The following ZNF267 variants were observed in gnomAD, a reference collection of about 807,000 sequenced individuals.
The protein encoded by ZNF267 is zinc finger protein 267, also known as zinc finger (C2H2).
Under a neutral mutation model 71.6 loss-of-function variants are expected in ZNF267, and 61 were observed. The observed-to-expected ratio is 0.85, with a 90% CI of 0.69 to 1.05. The LOEUF (loss-of-function observed/expected upper bound fraction) is 1.05. ZNF267 is among the 50% of genes least tolerant of loss of function. The pLI, the probability that ZNF267 is intolerant of heterozygous loss-of-function variation, is 0.00. For synonymous variants in ZNF267, 288 were observed against 293.2 expected (o/e 0.98, Z 0.18); for missense variants, 852 against 870.0 (o/e 0.98, Z 0.26).
intron 3 of ZNF267, among the ~76,000 whole-genome samples, chr16:31,896,898 A>G (rs932166487): frequency 5.3e-5 from 8 of 152,126 alleles, no homozygotes; most frequent in Non-Finnish European, 8.8e-5. Flanking sequence ...TTTTCAATCT[A>G]TGAACACAAG....
chr16:31,915,957 C>G lies in ZNF267; in HGVS notation c.1708C>G (p.His570Asp), dbSNP rs771790142. 2.7e-5 allele frequency: 44 copies of G among 1,612,628 alleles called. No homozygotes were observed. The Admixed American group carries it at 7.2e-4, about 26-fold the overall frequency. Residue 570 changes from histidine to aspartate, a missense_variant, in exon 4 of 4, where the codon CAT becomes GAT. Coordinates refer to ENST00000300870, the MANE Select transcript of ZNF267 (RefSeq NM_003414.6). Reference sequence around the variant, plus strand: ...ACACCTTATTCGACATCATCGAATTCATACTGGAGAAAAACCATACAAATG... The same window carrying G: ...ACACCTTATTCGACATCATCGAATTGATACTGGAGAAAAACCATACAAATG... Reference protein sequence around the residue: ...SSHLIRHHRIHTGEKPYKCKA... With the variant: ...SSHLIRHHRIDTGEKPYKCKA...
intron 3 of ZNF267, among the ~76,000 whole-genome samples, chr16:31,895,904 T>C (rs2083994750): frequency 6.6e-6 from 1 of 152,236 alleles, no homozygotes; most frequent in Non-Finnish European, 1.5e-5. Flanking sequence ...TGCAAATATT[T>C]TCTCACATTG....
intron 3 of ZNF267, among the ~76,000 whole-genome samples, chr16:31,903,888 A>G (rs1441372368): frequency 2.0e-5 from 3 of 152,054 alleles, no homozygotes; most frequent in African/African-American, 7.2e-5. Context: ...TAGGGTGTCA[A>G]TTTTAGATCT....
intron 1 of ZNF267, among the ~76,000 whole-genome samples, chr16:31,876,675 T>C (rs921626507): frequency 1.3e-5 from 2 of 152,290 alleles, no homozygotes; most frequent in Admixed American, 1.3e-4. Context: ...GTATAAATTA[T>C]AAAGGCGTTT....
rs763905687 is a variant in ZNF267 at position 31,915,370 on chromosome 16, A to G, written c.1121A>G (p.Asp374Gly). 6.8e-5 allele frequency: 109 copies of G among 1,613,398 alleles called. No homozygotes were observed. The highest frequency in any genetic ancestry group is 8.7e-5 in the Non-Finnish European group (103 of 1,179,820). The part of the protein sequence containing the change: ...SLYLTKQQQI[D>G]TGENLYKCKA... ...TACCTTACTAAACAGCAGCAAATTG[A>G]TACTGGAGAAAACCTTTACAAATGT... Residue 374 changes from aspartate (D) to glycine (G), a missense_variant, in exon 4 of 4, where the codon GAT (aspartate) becomes GGT (glycine). Asp to Gly is a moderately conservative substitution (Grantham distance 94, BLOSUM62 -1). Transcript: ENST00000300870.
At chr16:31,886,183 G>T (rs1462744900) in intron 3 of ZNF267, among the ~76,000 whole-genome samples, 1 of 152,068 alleles carries the variant, frequency 6.6e-6, no homozygotes, top group African/African-American at 2.4e-5. Context: ...TACACATTGT[G>T]TAATGACTAA....
rs1405117871 is a variant in ZNF267 at position 31,915,474 on chromosome 16, A to C, written c.1225A>C (p.Lys409Gln). The C allele has an allele frequency of 1.9e-6, 3 of 1,613,740 alleles. No individual in the cohort carries two copies. The African/African-American group carries it at 4.0e-5, about 22-fold the overall frequency. Residue 409 changes from lysine to glutamine, a missense_variant, in exon 4 of 4, where the codon AAA becomes CAA. Lys to Gln is a moderately conservative substitution (Grantham distance 53). Transcript: ENST00000300870. ...AATTCACACTGGAGAGAAACCATAC[A>C]AATGTAAAGAATGTGGCAAAGCCTT... is the stretch of plus-strand genomic sequence containing the variant. ...QRIHTGEKPYKCKECGKAFRC... is the reference protein window; with the variant it reads ...QRIHTGEKPYQCKECGKAFRC...
At position 31,916,686 on chromosome 16, in the gene ZNF267, C is replaced by G. The variant is rs954544560; in HGVS notation, c.*205C>G. On this transcript the variant is annotated 3_prime_UTR_variant, in exon 4 of 4. Transcript: ENST00000300870. ...GTGGCAAATTATTTTAAACTGTGCT[C>G]AACCCTTACTCAAGATAATCCATAC... 22 of 590,550 alleles carry G rather than the reference C, an allele frequency of 3.7e-5. No homozygotes were observed. The highest frequency in any genetic ancestry group is 3.5e-4 in the African/African-American group (19 of 53,782). The allele number at this position is 590,550 out of a possible 1,614,324, so 36.6% of individuals were successfully genotyped here.
Position 31,873,833 on chromosome 16 carries a change from A to G in ZNF267, c.-134A>G, listed in dbSNP as rs980371030. The G allele has an allele frequency of 1.6e-6, 2 of 1,283,028 alleles. No individual in the cohort carries two copies. The highest frequency in any genetic ancestry group is 1.1e-6 in the Non-Finnish European group (1 of 890,632). The allele number at this position is 1,283,028 out of a possible 1,614,324, so 79.5% of individuals were successfully genotyped here. On this transcript the variant is annotated 5_prime_UTR_variant, in exon 1 of 4. Transcript: ENST00000300870. Reference sequence around the variant, plus strand: ...GTTAGAGCTCGGGTCTCCTCGCCACAGCTCCGAGTCTTTCGTTCTGGGAGG... The same window carrying G: ...GTTAGAGCTCGGGTCTCCTCGCCACGGCTCCGAGTCTTTCGTTCTGGGAGG...
At chr16:31,903,335 A>G (rs911395980) in intron 3 of ZNF267, among the ~76,000 whole-genome samples, 3 of 152,044 alleles carry the variant, frequency 2.0e-5, no homozygotes, top group South Asian at 2.1e-4. Flanking sequence ...CTCTTTTTCT[A>G]TTGATTGGAA....
intron 3 of ZNF267, among the ~76,000 whole-genome samples, chr16:31,908,347 G>A (rs2084108465): frequency 6.6e-6 from 1 of 152,128 alleles, no homozygotes; most frequent in Non-Finnish European, 1.5e-5. Context: ...CCCATTCTGT[G>A]GGTTGTTTCT....
intron 3 of ZNF267, among the ~76,000 whole-genome samples, chr16:31,901,749 G>A (rs887179735): frequency 2.0e-5 from 3 of 152,166 alleles, no homozygotes; most frequent in Non-Finnish European, 4.4e-5. Flanking sequence ...TAGGTTGCCT[G>A]TTCACTCTGA....
rs117802978 is a variant in ZNF267, at chr16:31,892,614, A to G, written c.226+7358A>G. On this transcript the variant is annotated intron_variant, in intron 3 of 3. Transcript: ENST00000300870. ...AGCAAGTTGGTTACTTCCTAGATACATTGGGGGTGCAGGCATTGGGTAGCC... is the reference window on the plus strand; with the variant it reads ...AGCAAGTTGGTTACTTCCTAGATACGTTGGGGGTGCAGGCATTGGGTAGCC... Among the ~76,000 whole-genome samples, 1,111 of 152,328 alleles carry G rather than the reference A, an allele frequency of 7.3e-3. 5 individuals carry two copies. The highest frequency in any genetic ancestry group is 0.012 in the Non-Finnish European group (834 of 68,016).
At position 31,916,169 on chromosome 16, in the gene ZNF267, C is replaced by G. The variant is rs765261718; in HGVS notation, c.1920C>G (p.Ala640=). 7 of 1,613,966 alleles carry G rather than the reference C, an allele frequency of 4.3e-6. No homozygotes were observed. Among genetic ancestry groups the G allele is most frequent in the Non-Finnish European group, 3.4e-6 (4 of 1,180,020 alleles). Reference sequence around the variant, plus strand: ...ACAAATGTGAAGAATGTGGCAAAGCCTTCAACTATAGGTCATACCTCACTA... The same window carrying G: ...ACAAATGTGAAGAATGTGGCAAAGCGTTCAACTATAGGTCATACCTCACTA... The part of the protein sequence containing the change: ...RPYKCEECGK[A]FNYRSYLTTH... Residue 640 remains alanine, a synonymous_variant, in exon 4 of 4, where the codon GCC becomes GCG. Transcript: ENST00000300870.
chr16:31,906,858 T>G (rs1407934799), intron 3 of ZNF267, among the ~76,000 whole-genome samples: 2 of 152,024 alleles, frequency 1.3e-5, no homozygotes, highest in African/African-American at 4.8e-5. Context: ...ATCACCCGTC[T>G]TCTGCGTGGC....
At chr16:31,896,076 A>G (rs979648114) in intron 3 of ZNF267, among the ~76,000 whole-genome samples, 4 of 152,186 alleles carry the variant, frequency 2.6e-5, no homozygotes, top group Non-Finnish European at 5.9e-5. Context: ...AAGTAGCATG[A>G]TCATAGCTCA....
At chr16:31,881,705 C>T (rs1481605742) in intron 1 of ZNF267, among the ~76,000 whole-genome samples, 2 of 141,410 alleles carry the variant, frequency 1.4e-5, no homozygotes, top group African/African-American at 5.4e-5. Context: ...CCGAATCTCA[C>T]TCTGTTGCCT....
intron 1 of ZNF267, chr16:31,875,227 C>T: frequency 7.8e-7 from 1 of 1,289,186 alleles, no homozygotes; most frequent in Non-Finnish European, 1.0e-6. Flanking sequence ...ACTCAAGATG[C>T]CCACAGTGGC....
intron 3 of ZNF267, among the ~76,000 whole-genome samples, chr16:31,897,046 A>G (rs1459230292): frequency 1.3e-5 from 2 of 151,970 alleles, no homozygotes; most frequent in Non-Finnish European, 2.9e-5. Flanking sequence ...TGTCTTTTAC[A>G]TCTAAATTGG....
Sources: allele counts gnomAD v4.1 joint callset (sites outside exome capture counted in the v4.1 genomes callset), GRCh38; gene constraint gnomAD v4.1.1; transcripts MANE v1.5; gene names NCBI Gene and HGNC (gene_info 2026-07-23, HGNC 2026-07-21).